The following SLCO1C1 variants were observed in gnomAD, a reference collection of about 807,000 sequenced individuals.
The protein encoded by SLCO1C1 is solute carrier organic anion transporter family member 1C1, also known as OAT-RP-5.
A neutral mutation model predicts 76.4 loss-of-function variants in SLCO1C1; 70 were observed. That is an observed-to-expected ratio of 0.92 (90% confidence interval 0.76 to 1.12). The LOEUF is 1.12. SLCO1C1 is among the 50% of genes most tolerant of loss of function. SLCO1C1 has a pLI of 0.00. For synonymous variants in SLCO1C1, 306 were observed against 286.1 expected (o/e 1.07, Z -0.70); for missense variants, 912 against 823.8 (o/e 1.11, Z -1.31).
At chr12:20,713,315 G>A (rs1029783641) in intron 5 of SLCO1C1, among the ~76,000 whole-genome samples, 9 of 152,032 alleles carry the variant, frequency 5.9e-5, no homozygotes, top group African/African-American at 2.2e-4. Context: ...TCCTGACCTC[G>A]TGATCCGCCC....
chr12:20,740,067 G>T, intron 11 of SLCO1C1, 117 bp from the exon 12 acceptor site: 1 of 1,023,768 alleles, frequency 9.8e-7, no homozygotes, highest in South Asian at 1.7e-5. Context: ...AAAAATAAAA[G>T]AATATTTCCT....
At chr12:20,704,926 C>T (rs940933067) in intron 3 of SLCO1C1, among the ~76,000 whole-genome samples, 18 of 151,890 alleles carry the variant, frequency 1.2e-4, no homozygotes, top group Admixed American at 3.9e-4. Context: ...AAACCCTAAA[C>T]AATGTTTATC....
intron 9 of SLCO1C1, among the ~76,000 whole-genome samples, chr12:20,725,564 T>C (rs1311527936): frequency 6.8e-6 from 1 of 147,994 alleles, no homozygotes; most frequent in Non-Finnish European, 1.5e-5. Flanking sequence ...TTTTCATGGT[T>C]ATACCCTGGA....
At chr12:20,744,134 T>C (rs894245206) in intron 13 of SLCO1C1, among the ~76,000 whole-genome samples, 38 of 152,046 alleles carry the variant, frequency 2.5e-4, no homozygotes, top group South Asian at 2.1e-4. Context: ...CCTGATAACA[T>C]TGAAAAAGAA....
intron 10 of SLCO1C1, among the ~76,000 whole-genome samples, chr12:20,734,133 C>T (rs965589465): frequency 3.9e-5 from 6 of 152,166 alleles, no homozygotes; most frequent in African/African-American, 9.7e-5. Flanking sequence ...GTCCATCTCC[C>T]GTCCTACTCT....
chr12:20,736,107 C>A (rs1214676951), intron 10 of SLCO1C1, among the ~76,000 whole-genome samples: 1 of 151,408 alleles, frequency 6.6e-6, no homozygotes, highest in Non-Finnish European at 1.5e-5. Flanking sequence ...AAATGACATA[C>A]CATTGCAAAA....
At chr12:20,702,196 T>A (rs957363222) in intron 3 of SLCO1C1, among the ~76,000 whole-genome samples, 2 of 152,004 alleles carry the variant, frequency 1.3e-5, no homozygotes, top group African/African-American at 4.8e-5. Flanking sequence ...TAGATTCAGA[T>A]ATACACCATA....
chr12:20,717,656 T>C lies in SLCO1C1; in HGVS notation c.775+426T>C, dbSNP rs1228016628. 1.2e-3 allele frequency among the ~76,000 whole-genome samples: 90 copies of C among 72,040 alleles called. 1 individual carries two copies. Among genetic ancestry groups the C allele is most frequent in the African/African-American group, 6.6e-3 (86 of 12,992 alleles). 47.3% of individuals were successfully genotyped at this position (72,040 alleles called of 152,430 possible). On this transcript the variant is annotated intron_variant, in intron 7 of 14. Coordinates refer to ENST00000266509, the MANE Select transcript of SLCO1C1 (RefSeq NM_017435.5). ...GCAACCAAACAGCCCTTCTTTTTTT[T>C]TTTTTTTTTTTTTTTTTTTTTTTTT... is the stretch of plus-strand genomic sequence containing the variant.
At chr12:20,730,917 G>A (rs1272248950) in intron 9 of SLCO1C1, among the ~76,000 whole-genome samples, 1 of 152,094 alleles carries the variant, frequency 6.6e-6, no homozygotes, top group African/African-American at 2.4e-5. Flanking sequence ...GGCACTAGGG[G>A]CCCAAGAGAG....
At chr12:20,744,764 T>C (rs1009601651) in intron 13 of SLCO1C1, among the ~76,000 whole-genome samples, 2 of 152,166 alleles carry the variant, frequency 1.3e-5, no homozygotes, top group African/African-American at 4.8e-5. Flanking sequence ...ATATCTTTAC[T>C]TCTAAGAATT....
intron 12 of SLCO1C1, 148 bp downstream of exon 12, chr12:20,740,516 G>A (rs778340911): frequency 2.8e-5 from 19 of 667,146 alleles, no homozygotes; most frequent in Middle Eastern, 4.1e-4. Context: ...TATATATATC[G>A]CACTTTGGGT....
At chr12:20,710,223 T>TTTTTTTTTTTTTTC (rs1555122286) in intron 4 of SLCO1C1, among the ~76,000 whole-genome samples, 1 of 133,776 alleles carries the variant, frequency 7.5e-6, no homozygotes. Flanking sequence ...TTTTTTTTTT[T>TTTTTTTTTTTTTTC]TTGAGATGGA....
chr12:20,712,386 C>T (rs917990841), intron 5 of SLCO1C1, among the ~76,000 whole-genome samples: 3 of 152,148 alleles, frequency 2.0e-5, no homozygotes, highest in Non-Finnish European at 2.9e-5. Flanking sequence ...TGCCTCCTGC[C>T]TGGGCTTCAC....
intron 9 of SLCO1C1, among the ~76,000 whole-genome samples, chr12:20,727,648 T>G (rs1464599112): frequency 6.6e-6 from 1 of 152,232 alleles, no homozygotes; most frequent in Non-Finnish European, 1.5e-5. Context: ...TAGCTGGGAC[T>G]ACAGGCGCCC....
chr12:20,750,824 T>C (rs959316750), intron 14 of SLCO1C1, 32 bp downstream of exon 14: 1 of 1,613,936 alleles, frequency 6.2e-7, no homozygotes, highest in African/African-American at 1.3e-5. Context: ...CGCATCTCAT[T>C]GCTACAGCAT....
chr12:20,732,656 CCAGAAAGAT>C (rs1236591074), intron 9 of SLCO1C1, among the ~76,000 whole-genome samples: 1 of 152,082 alleles, frequency 6.6e-6, no homozygotes, highest in Non-Finnish European at 1.5e-5. Flanking sequence ...ACCAGAAAGA[CCAGAAAGAT>C]TTATTGATTC....
chr12:20,733,159 T>C, intron 10 of SLCO1C1, 55 bp downstream of exon 10: 2 of 1,440,018 alleles, frequency 1.4e-6, no homozygotes, highest in South Asian at 1.5e-5. Context: ...TTAAATCAAT[T>C]ATTGGTGGAG....
At chr12:20,746,881 A>C (rs562513934) in intron 13 of SLCO1C1, among the ~76,000 whole-genome samples, 1 of 152,124 alleles carries the variant, frequency 6.6e-6, no homozygotes, top group Admixed American at 6.6e-5. Context: ...AGAGTCATCA[A>C]CTAAATACAA....
intron 8 of SLCO1C1, 103 bp from the exon 9 acceptor site, chr12:20,722,987 G>A: frequency 1.0e-6 from 1 of 992,762 alleles, no homozygotes; most frequent in Non-Finnish European, 1.5e-6. Flanking sequence ...CTCCCAAACT[G>A]TGTGACAATG....
Sources: gnomAD v4.1 joint callset for allele counts (sites outside exome capture counted in the v4.1 genomes callset) on GRCh38, gnomAD v4.1.1 for gene constraint, MANE v1.5 for transcripts, NCBI Gene and HGNC (gene_info 2026-07-23, HGNC 2026-07-21) for gene names.